The following POLR1A variants were observed in gnomAD, a reference collection of about 807,000 sequenced individuals.
The protein encoded by POLR1A is DNA-directed RNA polymerase I subunit RPA1.
Under a neutral mutation model 205.3 loss-of-function variants are expected in POLR1A, and 84 were observed. That is an observed-to-expected ratio of 0.41 (90% confidence interval 0.34 to 0.49). The LOEUF (loss-of-function observed/expected upper bound fraction) is 0.49. Ranked by LOEUF, POLR1A falls within the 20% of genes least tolerant of loss-of-function variation. POLR1A has a pLI of 0.22. For missense variants in POLR1A, 1,645 were observed against 2,204.5 expected (o/e 0.75, Z 5.08); for synonymous variants, 799 against 863.7 (o/e 0.93, Z 1.31).
intron 29 of POLR1A, among the ~76,000 whole-genome samples, chr2:86,031,938 T>A (rs1033474832): frequency 2.6e-5 from 4 of 152,046 alleles, no homozygotes; most frequent in Non-Finnish European, 5.9e-5. Context: ...AGGAGACTGG[T>A]TTGTGGGAGG....
chr2:86,052,764 C>T (rs1235032969), intron 16 of POLR1A, 53 bp downstream of exon 16: 5 of 1,394,264 alleles, frequency 3.6e-6, no homozygotes, highest in Non-Finnish European at 4.8e-6. Context: ...GGGAGATGGC[C>T]AGGCGGCTGC....
intron 14 of POLR1A, among the ~76,000 whole-genome samples, chr2:86,060,072 A>G (rs2104404601): frequency 6.6e-6 from 1 of 152,368 alleles, no homozygotes; most frequent in East Asian, 1.9e-4. Context: ...TCTAGACACC[A>G]ATCATAAACA....
intron 13 of POLR1A, among the ~76,000 whole-genome samples, chr2:86,068,109 C>A (rs940266376): frequency 1.3e-5 from 2 of 152,058 alleles, no homozygotes; most frequent in Admixed American, 1.3e-4. Flanking sequence ...GGCTTTGCAC[C>A]GTATTCAATC....
chr2:86,041,067 C>T (rs7557349), intron 24 of POLR1A, among the ~76,000 whole-genome samples: 2,594 of 152,070 alleles, frequency 0.017, 60 homozygotes, highest in African/African-American at 0.045. Flanking sequence ...GTATTCATGC[C>T]GCACGATTCT....
At chr2:86,079,012 T>G (rs1673347773) in intron 9 of POLR1A, among the ~76,000 whole-genome samples, 1 of 152,136 alleles carries the variant, frequency 6.6e-6, no homozygotes, top group South Asian at 2.1e-4. Flanking sequence ...CGACTGGGTA[T>G]GACACAAGGA....
At chr2:86,053,569 C>T (rs1288824500) in intron 15 of POLR1A, among the ~76,000 whole-genome samples, 1 of 152,180 alleles carries the variant, frequency 6.6e-6, no homozygotes, top group African/African-American at 2.4e-5. Flanking sequence ...GCATTTCTAG[C>T]TGCGTAATGT....
chr2:86,041,149 CTGTGTGTGTGTGTGTGTGTG>C (rs756415592), intron 24 of POLR1A, among the ~76,000 whole-genome samples: 1 of 122,362 alleles, frequency 8.2e-6, no homozygotes, highest in Non-Finnish European at 1.7e-5. Flanking sequence ...CTGAGCTACA[CTGTGTGTGTGTGTGTGTGTG>C]TGTGTGTGTG....
intron 16 of POLR1A, among the ~76,000 whole-genome samples, chr2:86,052,364 G>A (rs529739509): frequency 6.8e-4 from 103 of 152,282 alleles, no homozygotes; most frequent in African/African-American, 2.2e-3. Context: ...AAATCAGTCC[G>A]AGGACAGAAA....
At chr2:86,049,091 G>C (rs766445570) in intron 17 of POLR1A, 49 bp from the exon 18 acceptor site, 3 of 1,612,896 alleles carry the variant, frequency 1.9e-6, no homozygotes, top group South Asian at 1.1e-5. Flanking sequence ...AACGACGAGA[G>C]TGTGGGTTTT....
rs371761276 is a variant in POLR1A at position 86,044,131 on chromosome 2, C to T, written c.3135+8G>A. The T allele has an allele frequency of 1.2e-5, 19 of 1,613,852 alleles. No individual in the cohort carries two copies. In the African/African-American group the frequency reaches 2.1e-4, roughly 18 times the overall value. On this transcript the variant is annotated splice_region_variant and intron_variant, in intron 22 of 33. Coordinates refer to ENST00000263857, the MANE Select transcript of POLR1A (RefSeq NM_015425.6). ...TCGGCCCCCAGGCTCCGGGATCTAGCACACTACCTCGTAGTTGCTGGCCAG... is the reference window on the plus strand; with the variant it reads ...TCGGCCCCCAGGCTCCGGGATCTAGTACACTACCTCGTAGTTGCTGGCCAG...
At chr2:86,056,991 T>G (rs1243558943) in intron 14 of POLR1A, among the ~76,000 whole-genome samples, 3 of 152,170 alleles carry the variant, frequency 2.0e-5, no homozygotes, top group Non-Finnish European at 4.4e-5. Context: ...GATAAAGGAG[T>G]TATTTTGACT....
At chr2:86,038,911 G>T (rs1031907635) in intron 26 of POLR1A, 54 bp from the exon 27 acceptor site, 4 of 1,543,024 alleles carry the variant, frequency 2.6e-6, no homozygotes, top group Admixed American at 1.7e-5. Context: ...AGGTGACTGC[G>T]CAATGTGAGT....
intron 13 of POLR1A, chr2:86,065,715 A>T (rs1673074352): frequency 2.3e-6 from 1 of 437,162 alleles, no homozygotes; most frequent in Non-Finnish European, 4.0e-6. Flanking sequence ...CTTCAAACTC[A>T]TCCCGTTCCC....
At chr2:86,085,574 G>A (rs1673490750) in intron 6 of POLR1A, among the ~76,000 whole-genome samples, 1 of 152,160 alleles carries the variant, frequency 6.6e-6, no homozygotes. Flanking sequence ...TACTAAATAG[G>A]TTGGAAATGC....
intron 6 of POLR1A, among the ~76,000 whole-genome samples, chr2:86,084,416 CAA>C (rs112508210): frequency 7.2e-6 from 1 of 138,838 alleles, no homozygotes. Context: ...GACCCTGTCT[CAA>C]AAAAAAAAAC....
Position 86,083,252 on chromosome 2 carries a change from C to T in POLR1A, c.731-84G>A, listed in dbSNP as rs116782803. The T allele has an allele frequency of 7.4e-4, 706 of 955,288 alleles. 5 individuals are homozygous for T. In the African/African-American group the frequency reaches 0.011, roughly 14 times the overall value. The allele number at this position is 955,288 out of a possible 1,614,324, so 59.2% of individuals were successfully genotyped here. ...ATGGGATTTATCAATTCTTTATCCC[C>T]AAGCCTGCAACTTGACCACAAAAAT... On this transcript the variant is annotated intron_variant, in intron 6 of 33. Coordinates refer to ENST00000263857, the MANE Select transcript of POLR1A (RefSeq NM_015425.6).
chr2:86,082,132 G>C (rs1673415615), intron 7 of POLR1A, among the ~76,000 whole-genome samples: 1 of 152,006 alleles, frequency 6.6e-6, no homozygotes, highest in Non-Finnish European at 1.5e-5. Context: ...CAACGTGCCT[G>C]GCCTCATTTT....
rs773574055 is a variant in POLR1A, at chr2:86,040,571, G to A, written c.3573-12C>T. 5.9e-6 allele frequency: 9 copies of A among 1,538,460 alleles called. No homozygotes were observed. The South Asian group carries it at 6.1e-5, about 10-fold the overall frequency. On this transcript the variant is annotated splice_polypyrimidine_tract_variant and intron_variant, in intron 24 of 33. Transcript: ENST00000263857. ...GCAAGGTCCTCAACCTAGAGACGGT[G>A]GTGGGGGGTCAGGGTGGGGGTTGTG...
In POLR1A at chr2:86,023,621, G is replaced by A. The variant is rs915239103; in HGVS notation, c.*3802C>T. Reference sequence around the variant, plus strand: ...AAATTGAAATTGTTGTACACCGTTGGTGGGAACATAAAATGGTGTAGCTGC... The same window carrying A: ...AAATTGAAATTGTTGTACACCGTTGATGGGAACATAAAATGGTGTAGCTGC... On this transcript the variant is annotated 3_prime_UTR_variant, in exon 34 of 34. Coordinates refer to ENST00000263857, the MANE Select transcript of POLR1A (RefSeq NM_015425.6). 5 of 152,184 alleles carry A rather than the reference G, an allele frequency of 3.3e-5. No homozygotes were observed. The highest frequency in any genetic ancestry group is 7.3e-5 in the Non-Finnish European group (5 of 68,032). 9.4% of individuals were successfully genotyped at this position (152,184 alleles called of 1,614,324 possible).
Sources: gnomAD v4.1 joint callset for allele counts (sites outside exome capture counted in the v4.1 genomes callset) on GRCh38, gnomAD v4.1.1 for gene constraint, MANE v1.5 for transcripts, NCBI Gene and HGNC (gene_info 2026-07-23, HGNC 2026-07-21) for gene names.